MYO1E: variants seen among roughly 807,000 people sequenced by gnomAD.
MYO1E encodes the protein myosin IE, also known as unconventional myosin-Ie.
MYO1E carries 68 observed loss-of-function variants against 151.1 expected under a neutral mutation model. The observed-to-expected ratio is 0.45, with a 90% confidence interval of 0.37 to 0.55. The LOEUF (loss-of-function observed/expected upper bound fraction) is 0.55. Ranked by LOEUF, MYO1E falls within the 20% of genes least tolerant of loss-of-function variation. MYO1E has a pLI of 0.00. For synonymous variants in MYO1E, 601 were observed against 501.7 expected (o/e 1.20, Z -2.64); for missense variants, 1,363 against 1,389.3 (o/e 0.98, Z 0.30).
At chr15:59,303,299 T>C (rs550640749) in intron 1 of MYO1E, among the ~76,000 whole-genome samples, 1 of 152,264 alleles carries the variant, frequency 6.6e-6, no homozygotes, top group South Asian at 2.1e-4. Context: ...CCTGTAGTTC[T>C]AGCTACTTGG....
At position 59,134,966 on chromosome 15, in the gene MYO1E, G is replaced by A. The variant is rs1643814527; in HGVS notation, c.*2414C>T. On this transcript the variant is annotated 3_prime_UTR_variant, in exon 28 of 28. Coordinates refer to ENST00000288235, the MANE Select transcript of MYO1E (RefSeq NM_004998.4). The stretch of plus-strand genomic sequence containing the variant: ...AAAAAGGGAAATGTTATTTATCCCA[G>A]ATTTTTCTGGTAGTCCCCATGTTGA... The A allele has an allele frequency of 6.6e-6, 1 of 152,240 alleles. No homozygotes were observed. Among genetic ancestry groups the A allele is most frequent in the African/African-American group, 2.4e-5 (1 of 41,468 alleles). 9.4% of individuals were successfully genotyped at this position (152,240 alleles called of 1,614,324 possible). A position where few individuals can be genotyped will look rare whatever the true frequency, so the allele number is the denominator to read the frequency against.
intron 1 of MYO1E, among the ~76,000 whole-genome samples, chr15:59,291,635 A>C (rs979716651): frequency 2.3e-5 from 3 of 132,950 alleles, no homozygotes; most frequent in African/African-American, 8.3e-5. Context: ...CAGGAGTTTG[A>C]GATTAGCCTG....
At chr15:59,215,028 C>T (rs1224308080) in intron 10 of MYO1E, among the ~76,000 whole-genome samples, 1 of 152,184 alleles carries the variant, frequency 6.6e-6, no homozygotes, top group Non-Finnish European at 1.5e-5. Flanking sequence ...AAAAAAATGT[C>T]ATCTTGGATG....
intron 16 of MYO1E, among the ~76,000 whole-genome samples, chr15:59,200,111 G>A (rs1483050898): frequency 6.6e-6 from 1 of 152,084 alleles, no homozygotes; most frequent in Non-Finnish European, 1.5e-5. Flanking sequence ...AACCAGACAA[G>A]CATACGAAGG....
intron 1 of MYO1E, among the ~76,000 whole-genome samples, chr15:59,371,656 C>G (rs2080945586): frequency 6.6e-6 from 1 of 152,186 alleles, no homozygotes; most frequent in Admixed American, 6.5e-5. Context: ...GGGAAAACAG[C>G]AACAAACTCG....
chr15:59,152,761 C>T (rs752458704), intron 26 of MYO1E, among the ~76,000 whole-genome samples: 48 of 152,150 alleles, frequency 3.2e-4, no homozygotes, highest in Non-Finnish European at 5.7e-4. Context: ...GTTAGAGAGG[C>T]CTCTCTTTCC....
At chr15:59,320,896 C>A (rs2080621636) in intron 1 of MYO1E, among the ~76,000 whole-genome samples, 1 of 152,128 alleles carries the variant, frequency 6.6e-6, no homozygotes. Flanking sequence ...AGTAAAAAGA[C>A]AACCTACAGA....
At position 59,135,125 on chromosome 15, in the gene MYO1E, C is replaced by T. The variant is rs1168202850; in HGVS notation, c.*2255G>A. ...TGTGGGTCACTTACCTATTTCAGCA[C>T]CATTTGTTGGGCATCTCCTTGAGCC... On this transcript the variant is annotated 3_prime_UTR_variant, in exon 28 of 28. Transcript: ENST00000288235. The T allele has an allele frequency of 1.3e-5, 2 of 152,202 alleles. No individual in the cohort carries two copies. Among genetic ancestry groups the T allele is most frequent in the African/African-American group, 2.4e-5 (1 of 41,440 alleles). The allele number at this position is 152,202 out of a possible 1,614,324, so 9.4% of individuals were successfully genotyped here.
intron 26 of MYO1E, among the ~76,000 whole-genome samples, chr15:59,151,856 G>A (rs1344976236): frequency 2.0e-5 from 3 of 151,802 alleles, no homozygotes; most frequent in Non-Finnish European, 2.9e-5. Context: ...GACCATCCTG[G>A]CCAACACAGT....
chr15:59,223,605 C>A (rs1471515262), intron 8 of MYO1E, among the ~76,000 whole-genome samples: 1 of 152,198 alleles, frequency 6.6e-6, no homozygotes, highest in Non-Finnish European at 1.5e-5. Context: ...GCCAGCTTCC[C>A]CTCGAAGGTC....
At chr15:59,199,845 C>G (rs1170386151) in intron 16 of MYO1E, among the ~76,000 whole-genome samples, 1 of 152,156 alleles carries the variant, frequency 6.6e-6, no homozygotes, top group African/African-American at 2.4e-5. Context: ...AGATATGGAA[C>G]GTATCAGCGA....
intron 16 of MYO1E, among the ~76,000 whole-genome samples, chr15:59,201,329 A>G (rs1314484129): frequency 6.6e-6 from 1 of 151,950 alleles, no homozygotes; most frequent in Non-Finnish European, 1.5e-5. Flanking sequence ...CCTGGGGTCA[A>G]GTAATCCTCC....
chr15:59,179,063 C>G (rs888228103), intron 18 of MYO1E, among the ~76,000 whole-genome samples: 1 of 152,204 alleles, frequency 6.6e-6, no homozygotes, highest in Non-Finnish European at 1.5e-5. Context: ...CTCGCCTCTT[C>G]ATTCTCACTT....
chr15:59,170,366 G>A (rs1236861483), intron 22 of MYO1E, among the ~76,000 whole-genome samples: 1 of 152,192 alleles, frequency 6.6e-6, no homozygotes, highest in East Asian at 1.9e-4. Context: ...TGCTGTGCCT[G>A]CCAAGCACGC....
chr15:59,358,880 G>C (rs1308985292), intron 1 of MYO1E, among the ~76,000 whole-genome samples: 2 of 152,144 alleles, frequency 1.3e-5, no homozygotes, highest in African/African-American at 2.4e-5. Flanking sequence ...TAAGAGACTT[G>C]TATTCTAGGG....
intron 19 of MYO1E, among the ~76,000 whole-genome samples, chr15:59,178,018 T>C (rs12595602): frequency 0.04 from 6,107 of 152,292 alleles, 179 homozygotes; most frequent in African/African-American, 0.059. Flanking sequence ...CTCTTAGAGA[T>C]TAAGTAACTA....
chr15:59,307,574 T>G (rs1392685867), intron 1 of MYO1E, among the ~76,000 whole-genome samples: 4 of 152,038 alleles, frequency 2.6e-5, no homozygotes, highest in African/African-American at 4.8e-5. Context: ...GTGAGTATAT[T>G]ATTTGTAAAT....
intron 14 of MYO1E, chr15:59,207,682 C>G (rs201226619): frequency 1.4e-5 from 22 of 1,613,974 alleles, no homozygotes; most frequent in Non-Finnish European, 1.8e-5. Flanking sequence ...CTCAAGTGTT[C>G]CTGTGTGGAG....
At chr15:59,216,565 T>C (rs1331854245) in intron 10 of MYO1E, among the ~76,000 whole-genome samples, 2 of 77,988 alleles carry the variant, frequency 2.6e-5, no homozygotes, top group Admixed American at 2.4e-4. Flanking sequence ...TATATATTCA[T>C]ATATAAGAGT....
Sources: gnomAD v4.1 joint callset for allele counts (sites outside exome capture counted in the v4.1 genomes callset) on GRCh38, gnomAD v4.1.1 for gene constraint, MANE v1.5 for transcripts, NCBI Gene and HGNC (gene_info 2026-07-23, HGNC 2026-07-21) for gene names.